The following MINDY4 variants were observed in gnomAD, a reference collection of about 807,000 sequenced individuals.
MINDY4 encodes the protein MINDY lysine 48 deubiquitinase 4.
Under a neutral mutation model 87.0 loss-of-function variants are expected in MINDY4, and 68 were observed. The ratio of observed to expected loss-of-function variants is 0.78; its 90% confidence interval spans 0.64 to 0.96. The LOEUF is 0.96. Among genes scored for constraint, MINDY4 ranks in the 40% least tolerant of loss-of-function variants. The pLI, the probability that MINDY4 is intolerant of heterozygous loss-of-function variation, is 0.00. For missense variants in MINDY4, 919 were observed against 928.2 expected, an observed-to-expected ratio of 0.99 and a Z score of 0.13; for synonymous variants, 379 against 363.2, an observed-to-expected ratio of 1.04 and a Z score of -0.50.
chr7:30,882,313 T>G lies in MINDY4; in HGVS notation c.2104T>G (p.Tyr702Asp). Residue 702 changes from tyrosine to aspartate, a missense_variant, in exon 16 of 18, where the codon TAC becomes GAC. Physicochemically the swap from Tyr to Asp is radical, Grantham distance 160. Coordinates refer to ENST00000265299, the MANE Select transcript of MINDY4 (RefSeq NM_032222.3). ...WRTERLFDLY[Y>D]YDGLANQQEQ... The stretch of plus-strand genomic sequence containing the variant: ...GACTGAGAGGCTCTTTGACTTGTAC[T>G]ACTACGATGGCCTGGCCAACCAGCA... 6.2e-7 allele frequency: 1 copy of G among 1,612,178 alleles called. No homozygotes were observed. Among genetic ancestry groups the G allele is most frequent in the Non-Finnish European group, 8.5e-7 (1 of 1,178,446 alleles).
chr7:30,772,910 A>G (rs2128163857), intron 1 of MINDY4, among the ~76,000 whole-genome samples: 1 of 152,220 alleles, frequency 6.6e-6, no homozygotes, highest in Admixed American at 6.5e-5. Context: ...CCTCACTGAC[A>G]TCCAAGCCTG....
chr7:30,819,532 A>G (rs1350007077), intron 5 of MINDY4, among the ~76,000 whole-genome samples: 9 of 152,062 alleles, frequency 5.9e-5, no homozygotes, highest in Non-Finnish European at 8.8e-5. Flanking sequence ...ATTCTTATTA[A>G]TGTTATTTTT....
rs1418346621 is a variant in MINDY4 at position 30,852,234 on chromosome 7, G to A, written c.1566G>A (p.Gln522=). ...AVVALASRTQ[Q]FSPTGKYKAD... The stretch of plus-strand genomic sequence containing the variant: ...TTTTTAGGGCTTCGAGAACACAGCA[G>A]TTCAGTCCAACAGGGAAATACAAAG... Residue 522 remains glutamine, a synonymous_variant, in exon 11 of 18, where the codon CAG becomes CAA. Coordinates refer to ENST00000265299, the MANE Select transcript of MINDY4 (RefSeq NM_032222.3). The A allele has an allele frequency of 6.2e-7, 1 of 1,614,162 alleles. No homozygotes were observed. The highest frequency in any genetic ancestry group is 1.7e-5 in the Admixed American group (1 of 60,030).
At chr7:30,859,004 G>A in intron 12 of MINDY4, 1 of 699,690 alleles carries the variant, frequency 1.4e-6, no homozygotes, top group Non-Finnish European at 2.7e-6. Context: ...GAGTTTTGAG[G>A]ACTCTGAGGT....
chr7:30,880,036 C>T (rs1790409768), intron 15 of MINDY4, among the ~76,000 whole-genome samples: 2 of 152,210 alleles, frequency 1.3e-5, no homozygotes, highest in Admixed American at 1.3e-4. Context: ...CCCCATCAAT[C>T]TGGTAAGCTC....
At chr7:30,852,083 C>A in intron 10 of MINDY4, 133 bp from the exon 11 acceptor site, 3 of 978,410 alleles carry the variant, frequency 3.1e-6, no homozygotes, top group Non-Finnish European at 4.5e-6. Flanking sequence ...AAATGAGAAA[C>A]TCTTGGCTCC....
rs28367465 is a variant in MINDY4 at position 30,771,441 on chromosome 7, G to C, written c.-53G>C. 37 of 1,567,876 alleles carry C rather than the reference G, an allele frequency of 2.4e-5. No individual in the cohort carries two copies. Among genetic ancestry groups the C allele is most frequent in the Middle Eastern group, 1.9e-4 (1 of 5,248 alleles). On this transcript the variant is annotated 5_prime_UTR_variant, in exon 1 of 18. Transcript: ENST00000265299. ...CATACTGCGCCGGACAGACCCAGTT[G>C]CCTGGTGCTGCGGCCCGGCGTGGGC...
chr7:30,882,963 T>TCC lies in MINDY4; in HGVS notation c.2197_2198dup (p.Pro734HisfsTer16). On this transcript the variant is annotated frameshift_variant, in exon 17 of 18. Transcript: ENST00000265299. LOFTEE classifies it high-confidence loss of function. ...TCTGAGGACACAGACAACGACCTTG[T>TCC]CCCACCCCTCGAGCTCTGCATCAGA... 6.2e-6 allele frequency: 10 copies of TCC among 1,614,072 alleles called. No individual in the cohort carries two copies. The highest frequency in any genetic ancestry group is 8.5e-6 in the Non-Finnish European group (10 of 1,179,972).
At chr7:30,885,384 C>T (rs181683531) in intron 17 of MINDY4, among the ~76,000 whole-genome samples, 3 of 152,236 alleles carry the variant, frequency 2.0e-5, no homozygotes, top group African/African-American at 7.2e-5. Flanking sequence ...TGGTGGCACA[C>T]GCCTATAATC....
chr7:30,817,629 G>A (rs1269936923), intron 5 of MINDY4, among the ~76,000 whole-genome samples: 4 of 152,058 alleles, frequency 2.6e-5, no homozygotes, highest in Non-Finnish European at 5.9e-5. Context: ...AGGTGGGGAG[G>A]GGCTGGGTCT....
chr7:30,870,996 G>T lies in MINDY4; in HGVS notation c.1746-1247G>T, dbSNP rs148157111. Reference sequence around the variant, plus strand: ...TCTCAGGGTAATGTGTGCCCCCCAGGGTCCAGTGTGACCCCCAGGGCCGTG... The same window carrying T: ...TCTCAGGGTAATGTGTGCCCCCCAGTGTCCAGTGTGACCCCCAGGGCCGTG... On this transcript the variant is annotated intron_variant, in intron 13 of 17. Transcript: ENST00000265299. Among the ~76,000 whole-genome samples, 609 of 151,262 alleles carry T rather than the reference G, an allele frequency of 4.0e-3. 1 individual carries two copies. The highest frequency in any genetic ancestry group is 0.014 in the African/African-American group (583 of 41,208).
At chr7:30,890,635 T>C (rs1790768658) in intron 17 of MINDY4, among the ~76,000 whole-genome samples, 1 of 152,218 alleles carries the variant, frequency 6.6e-6, no homozygotes, top group South Asian at 2.1e-4. Context: ...GGAGTGAATA[T>C]GAACCTTGCT....
chr7:30,818,745 A>G (rs1788237190), intron 5 of MINDY4, among the ~76,000 whole-genome samples: 1 of 152,214 alleles, frequency 6.6e-6, no homozygotes, highest in Non-Finnish European at 1.5e-5. Flanking sequence ...TGAATTTTAA[A>G]TTAATGATTT....
At chr7:30,884,272 C>T (rs568278047) in intron 17 of MINDY4, among the ~76,000 whole-genome samples, 2 of 152,308 alleles carry the variant, frequency 1.3e-5, no homozygotes, top group South Asian at 4.1e-4. Flanking sequence ...GCCGAGACAT[C>T]CTCGACATGC....
chr7:30,785,701 G>T (rs1787142541), intron 3 of MINDY4, 48 bp from the exon 4 acceptor site: 1 of 1,604,124 alleles, frequency 6.2e-7, no homozygotes, highest in Non-Finnish European at 8.5e-7. Context: ...CTTTGTTACT[G>T]ATTCCTTTTG....
chr7:30,860,855 T>TG (rs1789737709), intron 13 of MINDY4, among the ~76,000 whole-genome samples: 2 of 152,158 alleles, frequency 1.3e-5, no homozygotes, highest in Non-Finnish European at 2.9e-5. Flanking sequence ...TGGGCACCTG[T>TG]GGGGAATTAG....
At chr7:30,841,626 G>A (rs1457177615) in intron 9 of MINDY4, among the ~76,000 whole-genome samples, 4 of 151,170 alleles carry the variant, frequency 2.6e-5, no homozygotes, top group South Asian at 2.1e-4. Context: ...TCTGGCAATT[G>A]GCCTTTTTTA....
At chr7:30,778,102 A>G (rs898300181) in intron 1 of MINDY4, among the ~76,000 whole-genome samples, 20 of 151,996 alleles carry the variant, frequency 1.3e-4, no homozygotes, top group Non-Finnish European at 2.4e-4. Flanking sequence ...AAGGGAATGA[A>G]TATTAGCCTT....
At chr7:30,783,211 T>C (rs951565831) in intron 3 of MINDY4, among the ~76,000 whole-genome samples, 13 of 152,172 alleles carry the variant, frequency 8.5e-5, no homozygotes, top group African/African-American at 3.1e-4. Context: ...AGGCCACCTA[T>C]GTGCCTTGAC....
Sources: gnomAD v4.1 joint callset for allele counts (sites outside exome capture counted in the v4.1 genomes callset) on GRCh38, gnomAD v4.1.1 for gene constraint, MANE v1.5 for transcripts, NCBI Gene and HGNC (gene_info 2026-07-23, HGNC 2026-07-21) for gene names.